AGBL4: variants seen among roughly 807,000 people sequenced by gnomAD.
The protein encoded by AGBL4 is AGBL carboxypeptidase 4.
Under a neutral mutation model 66.4 loss-of-function variants are expected in AGBL4, and 58 were observed. The ratio of observed to expected loss-of-function variants is 0.87; its 90% CI spans 0.71 to 1.09. The LOEUF (loss-of-function observed/expected upper bound fraction) is 1.09. Among genes scored for constraint, AGBL4 ranks in the 50% least tolerant of loss-of-function variants. AGBL4 has a pLI of 0.00. For missense variants in AGBL4, 579 were observed against 631.0 expected (o/e 0.92, Z 0.88); for synonymous variants, 234 against 222.9 (o/e 1.05, Z -0.44).
At chr1:49,734,936 A>G in intron 2 of AGBL4, among the ~76,000 whole-genome samples, 1 of 152,198 alleles carries the variant, frequency 6.6e-6, no homozygotes, top group East Asian at 1.9e-4. Context: ...TCAATAGAAC[A>G]TATCTGAGAG....
At chr1:48,610,070 C>T (rs1333427212) in intron 9 of AGBL4, among the ~76,000 whole-genome samples, 1 of 152,188 alleles carries the variant, frequency 6.6e-6, no homozygotes, top group Admixed American at 6.5e-5. Context: ...CTGAAATAAA[C>T]CTGATAATAT....
rs190913811 is a variant in AGBL4 at position 49,342,356 on chromosome 1, G to A, written c.283-96492C>T. Among the ~76,000 whole-genome samples the A allele has an allele frequency of 2.9e-3, 438 of 152,192 alleles. 2 individuals are homozygous for A. The highest frequency in any genetic ancestry group is 6.8e-3 in the Middle Eastern group (2 of 294). Reference sequence around the variant, plus strand: ...GACACCACAGGAGAAAATGCAGGCCGAAAACAATTATAAAAAGCCCATTGT... The same window carrying A: ...GACACCACAGGAGAAAATGCAGGCCAAAAACAATTATAAAAAGCCCATTGT... On this transcript the variant is annotated intron_variant, in intron 3 of 13. Transcript: ENST00000371839.
intron 3 of AGBL4, among the ~76,000 whole-genome samples, chr1:49,366,023 C>CT (rs1644235126): frequency 6.6e-6 from 1 of 152,178 alleles, no homozygotes; most frequent in African/African-American, 2.4e-5. Flanking sequence ...TTTAAGGATT[C>CT]AAGGTCCCCT....
rs373737876 is a variant in AGBL4 at position 49,804,621 on chromosome 1, C to G, written c.157+46775G>C. On this transcript the variant is annotated intron_variant, in intron 2 of 13. Coordinates refer to ENST00000371839, the MANE Select transcript of AGBL4 (RefSeq NM_032785.4). ...GATAGTTTTGTTATATTACTGAAGG[C>G]TGAATTTATTAAGTGATTCATAAAA... is the stretch of plus-strand genomic sequence containing the variant. Among the ~76,000 whole-genome samples the G allele has an allele frequency of 1.4e-3, 211 of 152,210 alleles. 1 individual carries two copies. The highest frequency in any genetic ancestry group is 4.8e-3 in the African/African-American group (198 of 41,550).
intron 5 of AGBL4, among the ~76,000 whole-genome samples, chr1:49,043,657 A>G (rs530113651): frequency 1.3e-5 from 2 of 152,178 alleles, no homozygotes; most frequent in Non-Finnish European, 2.9e-5. Context: ...TACCATGTAT[A>G]CCAATTATCA....
At chr1:49,549,006 T>G (rs1652736133) in intron 3 of AGBL4, among the ~76,000 whole-genome samples, 1 of 152,102 alleles carries the variant, frequency 6.6e-6, no homozygotes. Context: ...CTAGGAGTGT[T>G]GCATCTTTCC....
At chr1:49,391,341 T>C (rs1030910954) in intron 3 of AGBL4, among the ~76,000 whole-genome samples, 1 of 152,162 alleles carries the variant, frequency 6.6e-6, no homozygotes, top group Non-Finnish European at 1.5e-5. Flanking sequence ...AAAGATCTTG[T>C]TTACTATTGT....
At chr1:49,275,068 A>T (rs1644140806) in intron 3 of AGBL4, among the ~76,000 whole-genome samples, 1 of 152,212 alleles carries the variant, frequency 6.6e-6, no homozygotes, top group Non-Finnish European at 1.5e-5. Flanking sequence ...CATTTGTTCC[A>T]TAAGAATCTG....
chr1:49,137,316 T>G (rs1003417026), intron 4 of AGBL4, among the ~76,000 whole-genome samples: 1 of 152,130 alleles, frequency 6.6e-6, no homozygotes, highest in Non-Finnish European at 1.5e-5. Flanking sequence ...AATAGAAGAC[T>G]GATTGTATAC....
intron 3 of AGBL4, among the ~76,000 whole-genome samples, chr1:49,656,761 G>A (rs938547029): frequency 1.8e-4 from 27 of 152,102 alleles, no homozygotes; most frequent in Admixed American, 5.2e-4. Flanking sequence ...AAAACCACAC[G>A]ATTATCTCAA....
intron 3 of AGBL4, among the ~76,000 whole-genome samples, chr1:49,313,782 G>A (rs976492649): frequency 2.6e-5 from 4 of 152,040 alleles, no homozygotes; most frequent in African/African-American, 9.7e-5. Context: ...TTGTCAGATG[G>A]ATAGATTGCA....
intron 4 of AGBL4, among the ~76,000 whole-genome samples, chr1:49,115,302 G>A (rs1296318732): frequency 6.6e-6 from 1 of 152,122 alleles, no homozygotes; most frequent in Non-Finnish European, 1.5e-5. Context: ...AAATTAGTAT[G>A]TGTATCTTTT....
At chr1:49,931,945 G>A (rs1390769806) in intron 1 of AGBL4, among the ~76,000 whole-genome samples, 1 of 152,076 alleles carries the variant, frequency 6.6e-6, no homozygotes, top group East Asian at 1.9e-4. Context: ...TCCAAATGCT[G>A]CATAATCCAA....
chr1:49,346,889 A>AT (rs1173016718), intron 3 of AGBL4, among the ~76,000 whole-genome samples: 4 of 152,198 alleles, frequency 2.6e-5, no homozygotes, highest in African/African-American at 9.6e-5. Context: ...GCTGGACTGC[A>AT]TTTCCAGGAG....
At chr1:48,719,764 T>C (rs1038195320) in intron 6 of AGBL4, among the ~76,000 whole-genome samples, 2 of 152,204 alleles carry the variant, frequency 1.3e-5, no homozygotes, top group Non-Finnish European at 1.5e-5. Context: ...GGCTTAATGC[T>C]CACAGAAACA....
At chr1:49,380,826 C>G (rs558935428) in intron 3 of AGBL4, among the ~76,000 whole-genome samples, 1,636 of 152,032 alleles carry the variant, frequency 0.011, 12 homozygotes, top group South Asian at 0.015. Context: ...CTTCCTTACA[C>G]CTTATACAAA....
At chr1:49,593,236 T>G (rs1478083345) in intron 3 of AGBL4, among the ~76,000 whole-genome samples, 1 of 151,990 alleles carries the variant, frequency 6.6e-6, no homozygotes, top group Non-Finnish European at 1.5e-5. Flanking sequence ...AAACCCCGTC[T>G]CAACTAAAAA....
At chr1:48,686,214 A>G (rs319981) in intron 6 of AGBL4, among the ~76,000 whole-genome samples, 75,381 of 152,048 alleles carry the variant, frequency 0.5, 19,817 homozygotes, top group African/African-American at 0.67. Context: ...AGACTTACCC[A>G]CAGTCTCCTT....
intron 3 of AGBL4, among the ~76,000 whole-genome samples, chr1:49,286,998 C>CT (rs1397785521): frequency 6.6e-6 from 1 of 151,938 alleles, no homozygotes; most frequent in East Asian, 1.9e-4. Flanking sequence ...CAGCACGGTA[C>CT]TGGTACCAAA....
Sources: gnomAD v4.1 joint callset for allele counts (sites outside exome capture counted in the v4.1 genomes callset) on GRCh38, gnomAD v4.1.1 for gene constraint, MANE v1.5 for transcripts, NCBI Gene and HGNC (gene_info 2026-07-23, HGNC 2026-07-21) for gene names.